FSCN2: variants seen among roughly 807,000 people sequenced by gnomAD.
FSCN2 encodes fascin-2.
In FSCN2, 46 loss-of-function variants were observed where a neutral mutation model predicts 37.8. That is an observed-to-expected ratio of 1.22 (90% CI 0.96 to 1.56). The LOEUF is 1.56. FSCN2 is among the 40% of genes most tolerant of loss of function. The pLI is 0.00. For synonymous variants in FSCN2, 351 were observed against 309.4 expected, an observed-to-expected ratio of 1.13 and a Z score of -1.41; for missense variants, 844 against 730.4, an observed-to-expected ratio of 1.16 and a Z score of -1.79.
intron 3 of FSCN2, 122 bp from the exon 4 acceptor site, chr17:81,536,498 CAT>C: frequency 6.5e-7 from 1 of 1,537,614 alleles, no homozygotes; most frequent in Non-Finnish European, 8.7e-7. Context: ...CAAGGCCGCA[CAT>C]GAGGCAATGG....
the FSCN2 span, among the ~76,000 whole-genome samples, chr17:81,518,692 G>A: frequency 1.3e-5 from 2 of 152,250 alleles, no homozygotes; most frequent in Admixed American, 1.3e-4. Flanking sequence ...GCGGGGCACC[G>A]AGGTAGGGAA....
chr17:81,519,048 C>T, the FSCN2 span: 1 of 152,230 alleles, frequency 6.6e-6, no homozygotes, highest in Non-Finnish European at 1.5e-5. Flanking sequence ...GCCTCGCCGC[C>T]CCGCCCGTCC....
At chr17:81,530,759 G>A (rs1344415742) in intron 1 of FSCN2, 1 of 356,368 alleles carries the variant, frequency 2.8e-6, no homozygotes, top group Non-Finnish European at 5.4e-6. Context: ...CCATGGCTAT[G>A]GGGTCCTGCA....
the FSCN2 span, among the ~76,000 whole-genome samples, chr17:81,521,452 C>G: frequency 6.6e-6 from 1 of 151,840 alleles, no homozygotes; most frequent in East Asian, 1.9e-4. Context: ...TAACCTCGAC[C>G]TCCCAGGCTC....
At position 81,537,002 on chromosome 17, in the gene FSCN2, G is replaced by GT. The variant is rs2032908517; in HGVS notation, c.1402dup (p.Tyr468LeufsTer37). The GT allele has an allele frequency of 6.6e-7, 1 of 1,514,182 alleles. No individual in the cohort carries two copies. 93.8% of individuals were successfully genotyped at this position (1,514,182 alleles called of 1,614,324 possible). A position where few individuals can be genotyped will look rare whatever the true frequency, so the allele number is the denominator to read the frequency against. ...TGGCCATCCGCGCCCGGAGCGGCAA[G>GT]TACCTGCGCGGCGGCGCCTCGGGCC... is the stretch of plus-strand genomic sequence containing the variant. On this transcript the variant is annotated frameshift_variant, in exon 5 of 5. Transcript: ENST00000417245. LOFTEE classifies it low-confidence loss of function (END_TRUNC).
the FSCN2 span, among the ~76,000 whole-genome samples, chr17:81,520,104 A>G: frequency 6.6e-6 from 1 of 152,036 alleles, no homozygotes; most frequent in Non-Finnish European, 1.5e-5. Flanking sequence ...GCCGCCCCAG[A>G]CCTGTGTCCC....
chr17:81,533,726 C>T (rs1299177882), intron 1 of FSCN2, among the ~76,000 whole-genome samples: 1 of 152,210 alleles, frequency 6.6e-6, no homozygotes, highest in East Asian at 1.9e-4. Context: ...CAGACCAAGG[C>T]GGACTCCACT....
the FSCN2 span, among the ~76,000 whole-genome samples, chr17:81,519,492 CGGGCCGCTGTCGTTCCCACCT>C: frequency 2.0e-5 from 3 of 152,146 alleles, no homozygotes; most frequent in East Asian, 1.9e-4. Flanking sequence ...CCGGGAATGG[CGGGCCGCTGTCGTTCCCACCT>C]GGGCCGCCAG....
intron 2 of FSCN2, 111 bp downstream of exon 2, chr17:81,535,319 CCCCACCAGCCCCATCCCCATG>C (rs1598579912): frequency 1.5e-5 from 9 of 584,196 alleles, no homozygotes; most frequent in East Asian, 3.0e-5. Context: ...CCACCCCCAC[CCCCACCAGCCCCATCCCCATG>C]ACCACCATCC....
chr17:81,531,659 G>GAT, intron 1 of FSCN2, among the ~76,000 whole-genome samples: 1 of 141,004 alleles, frequency 7.1e-6, no homozygotes, highest in African/African-American at 2.7e-5. Context: ...TGATAGTGAT[G>GAT]GTGATGATGA....
upstream of FSCN2, among the ~76,000 whole-genome samples, chr17:81,525,996 C>A (rs1196640219): frequency 6.6e-6 from 1 of 152,236 alleles, no homozygotes; most frequent in Non-Finnish European, 1.5e-5. Flanking sequence ...TGCCAGGCAG[C>A]CCCACCCAAC....
Position 81,528,737 on chromosome 17 carries a change from T to C in FSCN2, c.206T>C (p.Leu69Pro). ...LLRSSHLGRYLSAEEDGRVAC... is the reference protein window; with the variant it reads ...LLRSSHLGRYPSAEEDGRVAC... ...CGCAGCAGCCACCTGGGCCGCTACC[T>C]GTCGGCAGAAGAGGACGGGCGCGTG... The change falls in exon 1 of 5, where the codon CTG (leucine) becomes CCG (proline). Residue 69 changes from leucine to proline, a missense_variant. Leu to Pro is a moderately conservative substitution (Grantham distance 98). Coordinates refer to ENST00000417245, the MANE Select transcript of FSCN2 (RefSeq NM_012418.4). 6.3e-7 allele frequency: 1 copy of C among 1,594,336 alleles called. No individual in the cohort carries two copies. The highest frequency in any genetic ancestry group is 8.5e-7 in the Non-Finnish European group (1 of 1,171,636).
chr17:81,518,302 T>C, the FSCN2 span, among the ~76,000 whole-genome samples: 12 of 152,036 alleles, frequency 7.9e-5, no homozygotes, highest in African/African-American at 2.9e-4. Context: ...CCTAGAGCAT[T>C]GGTTCTTGGG....
chr17:81,515,305 G>A, the FSCN2 span, among the ~76,000 whole-genome samples: 2 of 152,314 alleles, frequency 1.3e-5, no homozygotes, highest in South Asian at 2.1e-4. Flanking sequence ...TGCCGGAGAG[G>A]GCCGGGCAGC....
At position 81,535,167 on chromosome 17, in the gene FSCN2, C is replaced by T; in HGVS notation, c.942C>T (p.Thr314=). 5.2e-6 allele frequency: 8 copies of T among 1,533,650 alleles called. No individual in the cohort carries two copies. Among genetic ancestry groups the T allele is most frequent in the Non-Finnish European group, 7.0e-6 (8 of 1,145,418 alleles). ...TFYSSTGGYW[T]LVTHGGIHAT... ...ATTCCAGCACTGGGGGCTACTGGAC[C>T]CTGGTCACCCATGGGGGCATTCACG... Residue 314 remains threonine (T), a synonymous_variant, in exon 2 of 5, where the codon ACC becomes ACT. Coordinates refer to ENST00000417245, the MANE Select transcript of FSCN2 (RefSeq NM_012418.4).
At chr17:81,530,673 C>T (rs782384394) in intron 1 of FSCN2, 3 of 495,960 alleles carry the variant, frequency 6.0e-6, no homozygotes, top group South Asian at 2.9e-5. Flanking sequence ...GACGGATGTC[C>T]AGGCCCCCTG....
upstream of FSCN2, among the ~76,000 whole-genome samples, chr17:81,524,893 TCACA>T (rs138139508): frequency 2.1e-3 from 262 of 122,834 alleles, 1 homozygote; most frequent in Non-Finnish European, 4.2e-3. Flanking sequence ...ATGAGCACCT[TCACA>T]CACACACACA....
chr17:81,526,278 G>C (rs1555670088), upstream of FSCN2, among the ~76,000 whole-genome samples: 1 of 152,226 alleles, frequency 6.6e-6, no homozygotes, highest in Non-Finnish European at 1.5e-5. Flanking sequence ...GGGGACCATG[G>C]GCACAGCTGC....
At chr17:81,536,326 C>A (rs1014923772) in intron 3 of FSCN2, 59 bp downstream of exon 3, 1 of 1,548,632 alleles carries the variant, frequency 6.5e-7, no homozygotes, top group East Asian at 2.4e-5. Context: ...GGGAAAGGAC[C>A]TGCCCAGACA....
Sources: gnomAD v4.1 joint callset for allele counts (sites outside exome capture counted in the v4.1 genomes callset) on GRCh38, gnomAD v4.1.1 for gene constraint, MANE v1.5 for transcripts, NCBI Gene and HGNC (gene_info 2026-07-23, HGNC 2026-07-21) for gene names.